CAMTA1: variants seen among roughly 807,000 people sequenced by gnomAD.
The protein encoded by CAMTA1 is calmodulin binding transcription activator 1, also known as calmodulin-binding transcription activator 1.
A neutral mutation model predicts 170.9 loss-of-function variants in CAMTA1; 27 were observed. That is an observed-to-expected ratio of 0.16 (90% CI 0.12 to 0.22). The LOEUF (loss-of-function observed/expected upper bound fraction) is 0.22, where lower values mean the gene tolerates loss of function less well. Ranked by LOEUF, CAMTA1 falls within the 10% of genes least tolerant of loss-of-function variation. The pLI is 1.00. For missense variants in CAMTA1, 1,619 were observed against 2,217.2 expected (o/e 0.73, Z 5.42); for synonymous variants, 833 against 891.5 (o/e 0.93, Z 1.17).
chr1:6,896,931 G>T (rs1449182132), intron 3 of CAMTA1, among the ~76,000 whole-genome samples: 2 of 152,186 alleles, frequency 1.3e-5, no homozygotes, highest in African/African-American at 4.8e-5. Context: ...CAGTGATTGG[G>T]TTGTGCAAGG....
chr1:7,446,018 AC>A (rs2149434606), intron 5 of CAMTA1, among the ~76,000 whole-genome samples: 1 of 152,210 alleles, frequency 6.6e-6, no homozygotes, highest in South Asian at 2.1e-4. Flanking sequence ...CACCTGATAA[AC>A]AGGGGAGTTG....
rs938509503 is a variant in CAMTA1, at chr1:7,224,384, G to A, written c.303-25107G>A. ...CCAGTTGGCAAGGGCGCCACAGCTG[G>A]ATGGCTCAGCGTCCACCCAAAGGGA... On this transcript the variant is annotated intron_variant, in intron 4 of 22. Coordinates refer to ENST00000303635, the MANE Select transcript of CAMTA1 (RefSeq NM_015215.4). The surrounding 1 kb of genome is among the most constrained non-coding windows in gnomAD (Gnocchi z 5.2). Among the ~76,000 whole-genome samples the A allele has an allele frequency of 1.3e-5, 2 of 152,212 alleles. No homozygotes were observed. The highest frequency in any genetic ancestry group is 4.8e-5 in the African/African-American group (2 of 41,448).
intron 4 of CAMTA1, among the ~76,000 whole-genome samples, chr1:7,192,673 G>T (rs1273012584): frequency 6.6e-6 from 1 of 152,226 alleles, no homozygotes; most frequent in Non-Finnish European, 1.5e-5. Flanking sequence ...GCCAGTGTGT[G>T]CTGGGCATCA....
At chr1:7,442,364 G>A (rs1224972747) in intron 5 of CAMTA1, among the ~76,000 whole-genome samples, 2 of 152,196 alleles carry the variant, frequency 1.3e-5, no homozygotes, top group African/African-American at 4.8e-5. Context: ...GCTGTGGGCA[G>A]CTGGGGACGG....
chr1:6,911,119 G>A (rs1271161786), intron 3 of CAMTA1, among the ~76,000 whole-genome samples: 2 of 152,222 alleles, frequency 1.3e-5, no homozygotes, highest in Non-Finnish European at 2.9e-5. Flanking sequence ...TTTGTTTTAA[G>A]TTAATAGACC....
At chr1:7,662,441 A>G (rs6662747) in intron 8 of CAMTA1, among the ~76,000 whole-genome samples, 72,310 of 151,742 alleles carry the variant, frequency 0.48, 17,454 homozygotes, top group African/African-American at 0.52. Context: ...TCACTTCTCT[A>G]CGCAGTCTTG....
At chr1:7,317,990 C>T (rs1038427694) in intron 5 of CAMTA1, among the ~76,000 whole-genome samples, 21 of 152,330 alleles carry the variant, frequency 1.4e-4, no homozygotes, top group Admixed American at 1.1e-3. Context: ...GCTCTGATGG[C>T]TCAGGTGCCT....
At chr1:7,600,641 G>A (rs1192129383) in intron 6 of CAMTA1, among the ~76,000 whole-genome samples, 2 of 151,976 alleles carry the variant, frequency 1.3e-5, no homozygotes, top group Non-Finnish European at 2.9e-5. Flanking sequence ...CTTCCAAAGT[G>A]TTTGTGTCCC....
chr1:7,354,107 G>A (rs937346018), intron 5 of CAMTA1, among the ~76,000 whole-genome samples: 5 of 151,790 alleles, frequency 3.3e-5, no homozygotes, highest in Admixed American at 6.6e-5. Flanking sequence ...TTTTAAGGCT[G>A]CGTAGTATTC....
intron 3 of CAMTA1, among the ~76,000 whole-genome samples, chr1:6,899,054 G>A (rs1385162519): frequency 3.3e-5 from 5 of 152,156 alleles, no homozygotes; most frequent in Admixed American, 1.3e-4. Context: ...CATCGGTACC[G>A]TGGATGCTTC....
At chr1:7,607,539 G>T (rs964270268) in intron 6 of CAMTA1, among the ~76,000 whole-genome samples, 4 of 152,032 alleles carry the variant, frequency 2.6e-5, no homozygotes, top group Non-Finnish European at 4.4e-5. Flanking sequence ...GATGGAAGAT[G>T]AGTGGATGGG....
intron 5 of CAMTA1, among the ~76,000 whole-genome samples, chr1:7,451,711 T>C (rs1444446440): frequency 6.6e-6 from 1 of 152,134 alleles, no homozygotes; most frequent in East Asian, 1.9e-4. Flanking sequence ...CTGTGAGGCC[T>C]GGAGTCCACA....
chr1:6,838,674 A>G (rs1289710973), intron 3 of CAMTA1, among the ~76,000 whole-genome samples: 2 of 152,166 alleles, frequency 1.3e-5, no homozygotes, highest in Non-Finnish European at 2.9e-5. Flanking sequence ...GGTTTACTGT[A>G]CATGTAGTTC....
chr1:7,610,547 C>A (rs1168054166), intron 6 of CAMTA1, among the ~76,000 whole-genome samples: 4 of 152,190 alleles, frequency 2.6e-5, no homozygotes, highest in African/African-American at 9.7e-5. Context: ...AATGTTCTAG[C>A]CTGGTTCTGC....
chr1:6,976,267 AAGG>A (rs781557896), intron 3 of CAMTA1, among the ~76,000 whole-genome samples: 18 of 152,216 alleles, frequency 1.2e-4, no homozygotes, highest in Non-Finnish European at 2.4e-4. Flanking sequence ...CATGCATGTC[AAGG>A]AGAACTCATC....
chr1:6,980,062 C>T (rs897746064), intron 3 of CAMTA1, among the ~76,000 whole-genome samples: 6 of 152,180 alleles, frequency 3.9e-5, no homozygotes, highest in Admixed American at 3.9e-4. Context: ...ACCTTACCCC[C>T]ATGAGCTTTT....
intron 5 of CAMTA1, among the ~76,000 whole-genome samples, chr1:7,365,532 C>T (rs77336841): frequency 0.011 from 1,601 of 152,264 alleles, 31 homozygotes; most frequent in African/African-American, 0.031. Context: ...CTAGGCCCCG[C>T]GCCTGGGTGT....
chr1:7,348,205 G>A (rs2084369449), intron 5 of CAMTA1, among the ~76,000 whole-genome samples: 2 of 152,266 alleles, frequency 1.3e-5, no homozygotes, highest in Admixed American at 6.5e-5. Flanking sequence ...TCGTCTTGTG[G>A]CCTCTGGTTC....
At chr1:7,218,854 G>A (rs1159720840) in intron 4 of CAMTA1, among the ~76,000 whole-genome samples, 1 of 152,140 alleles carries the variant, frequency 6.6e-6, no homozygotes, top group East Asian at 1.9e-4. Flanking sequence ...TGTGAAAGGT[G>A]TGTGGGATTT....
Sources: gnomAD v4.1 joint callset for allele counts (sites outside exome capture counted in the v4.1 genomes callset) on GRCh38, gnomAD v4.1.1 for gene constraint, Gnocchi (gnomAD v3.1) non-coding constraint, MANE v1.5 for transcripts, NCBI Gene and HGNC (gene_info 2026-07-23, HGNC 2026-07-21) for gene names.